TXNDC16: variants seen among roughly 807,000 people sequenced by gnomAD.
TXNDC16 encodes the protein thioredoxin domain containing 16, also known as thioredoxin domain-containing protein 16.
Under a neutral mutation model 85.6 loss-of-function variants are expected in TXNDC16, and 74 were observed. The observed-to-expected ratio is 0.86, with a 90% CI of 0.72 to 1.05. TXNDC16 has a LOEUF of 1.05. Ranked by LOEUF, TXNDC16 falls within the 50% of genes least tolerant of loss-of-function variation. TXNDC16 has a pLI of 0.00. For synonymous variants in TXNDC16, 335 were observed against 326.5 expected, an observed-to-expected ratio of 1.03 and a Z score of -0.28; for missense variants, 959 against 947.0, an observed-to-expected ratio of 1.01 and a Z score of -0.17.
intron 4 of TXNDC16, among the ~76,000 whole-genome samples, chr14:52,540,845 C>A (rs562084060): frequency 5.9e-5 from 9 of 152,282 alleles, no homozygotes; most frequent in African/African-American, 2.2e-4. Flanking sequence ...ATTTACTCAG[C>A]ACTGGGTGGT....
At chr14:52,461,048 T>C (rs529661682) in intron 16 of TXNDC16, among the ~76,000 whole-genome samples, 2 of 151,626 alleles carry the variant, frequency 1.3e-5, no homozygotes, top group Admixed American at 6.6e-5. Flanking sequence ...TTTAGTTTTA[T>C]CTATATCTTT....
At chr14:52,493,198 T>TAA (rs1256648467) in intron 9 of TXNDC16, among the ~76,000 whole-genome samples, 1 of 133,700 alleles carries the variant, frequency 7.5e-6, no homozygotes, top group Non-Finnish European at 1.5e-5. Context: ...CTGTTCTATA[T>TAA]ATATATATAT....
intron 6 of TXNDC16, among the ~76,000 whole-genome samples, chr14:52,525,699 AAATAATAATAATAATAATAATAAT>A (rs199701557): frequency 4.1e-5 from 5 of 121,340 alleles, no homozygotes; most frequent in Non-Finnish European, 9.1e-5. Context: ...CTCCATCTCA[AAATAATAATAATAATAATAATAAT>A]AATAATAATA....
intron 16 of TXNDC16, chr14:52,463,080 T>C (rs1428090521): frequency 2.1e-5 from 9 of 430,870 alleles, no homozygotes; most frequent in Non-Finnish European, 3.7e-5. Context: ...TGTCAGTTTC[T>C]GTCTGATTCA....
intron 7 of TXNDC16, among the ~76,000 whole-genome samples, chr14:52,516,904 A>G (rs1483534573): frequency 6.6e-6 from 1 of 152,138 alleles, no homozygotes; most frequent in Non-Finnish European, 1.5e-5. Flanking sequence ...TACTCCTGTC[A>G]TAATCCTTGG....
chr14:52,450,451 G>GAAA (rs58802501), intron 18 of TXNDC16, among the ~76,000 whole-genome samples: 3 of 118,420 alleles, frequency 2.5e-5, no homozygotes, highest in Non-Finnish European at 5.5e-5. Flanking sequence ...AAGGCTTCCA[G>GAAA]AAAAAAAAAA....
chr14:52,540,178 C>T (rs1594766222), intron 4 of TXNDC16, among the ~76,000 whole-genome samples: 1 of 152,204 alleles, frequency 6.6e-6, no homozygotes, highest in African/African-American at 2.4e-5. Flanking sequence ...ATTGTCTTGA[C>T]TAGAATACGT....
intron 9 of TXNDC16, among the ~76,000 whole-genome samples, chr14:52,505,217 A>T (rs1251854602): frequency 6.6e-6 from 1 of 152,200 alleles, no homozygotes; most frequent in Non-Finnish European, 1.5e-5. Context: ...TGCACCAAGC[A>T]GACCTAATAC....
Position 52,511,172 on chromosome 14 carries a change from A to G in TXNDC16, c.756+68T>C, listed in dbSNP as rs563923997. Reference sequence around the variant, plus strand: ...AACTTAACAAATTTTATGTTAAAATAAGACACATACCTTTTGCAATTATAC... The same window carrying G: ...AACTTAACAAATTTTATGTTAAAATGAGACACATACCTTTTGCAATTATAC... On this transcript the variant is annotated intron_variant, in intron 9 of 20. Transcript: ENST00000281741. 1.1e-5 allele frequency: 14 copies of G among 1,311,330 alleles called. No homozygotes were observed. The African/African-American group carries it at 2.1e-4, about 20-fold the overall frequency. The allele number at this position is 1,311,330 out of a possible 1,614,324, so 81.2% of individuals were successfully genotyped here. A position where few individuals can be genotyped will look rare whatever the true frequency, so the allele number is the denominator to read the frequency against.
At chr14:52,485,303 A>G (rs2036243484) in intron 12 of TXNDC16, among the ~76,000 whole-genome samples, 2 of 152,194 alleles carry the variant, frequency 1.3e-5, no homozygotes, top group Admixed American at 1.3e-4. Context: ...AAAAAAAGAA[A>G]ATATTTTTGT....
chr14:52,538,737 T>C (rs2037761262), intron 4 of TXNDC16, among the ~76,000 whole-genome samples: 1 of 152,200 alleles, frequency 6.6e-6, no homozygotes, highest in Non-Finnish European at 1.5e-5. Context: ...ATAGTTATTT[T>C]GTTTTGCATT....
At chr14:52,483,029 C>T (rs2036185963) in intron 12 of TXNDC16, 64 bp from the exon 13 acceptor site, 2 of 1,342,330 alleles carry the variant, frequency 1.5e-6, no homozygotes, top group Admixed American at 2.2e-5. Flanking sequence ...TTAAGCTCTT[C>T]TCATAGGAAG....
rs997835367 is a variant in TXNDC16, at chr14:52,501,344, A to G, written c.756+9896T>C. On this transcript the variant is annotated intron_variant, in intron 9 of 20. Coordinates refer to ENST00000281741, the MANE Select transcript of TXNDC16 (RefSeq NM_020784.3). Reference sequence around the variant, plus strand: ...GCTTAGAAGTGAACTAATAATACATATAATTGCAATGATCAGACACAATGC... The same window carrying G: ...GCTTAGAAGTGAACTAATAATACATGTAATTGCAATGATCAGACACAATGC... Among the ~76,000 whole-genome samples the G allele has an allele frequency of 3.3e-5, 5 of 152,234 alleles. No homozygotes were observed. The East Asian group carries it at 7.7e-4, about 23-fold the overall frequency.
chr14:52,488,374 C>A lies in TXNDC16; in HGVS notation c.1097G>T (p.Gly366Val). 3.1e-6 allele frequency: 5 copies of A among 1,613,406 alleles called. No homozygotes were observed. The highest frequency in any genetic ancestry group is 1.7e-4 in the Middle Eastern group (1 of 6,048). The change falls in exon 12 of 21, where the codon GGT becomes GTT. Residue 366 changes from glycine to valine, a missense_variant. Transcript: ENST00000281741. ...TCATAACACATTACCTATATCTGGA[C>A]CTTCCATGTCATTGTCTTCATCTTC... ...IQEDEDNDME[G>V]PDIDVQDDEV...
chr14:52,490,275 A>C, intron 11 of TXNDC16, 116 bp downstream of exon 11: 1 of 664,088 alleles, frequency 1.5e-6, no homozygotes, highest in South Asian at 3.9e-5. Flanking sequence ...ATTTTCTTTG[A>C]ATAGGAGCAA....
At position 52,536,705 on chromosome 14, in the gene TXNDC16, G is replaced by C; in HGVS notation, c.392+14C>G. 3.1e-6 allele frequency: 5 copies of C among 1,594,736 alleles called. No individual in the cohort carries two copies. Among genetic ancestry groups the C allele is most frequent in the Non-Finnish European group, 4.3e-6 (5 of 1,167,580 alleles). On this transcript the variant is annotated intron_variant, in intron 6 of 20. Transcript: ENST00000281741. Reference sequence around the variant, plus strand: ...TAACAAGTAAACAAATGAATGTGTAGCCCCTGTACTTACAAGAGAACATGG... The same window carrying C: ...TAACAAGTAAACAAATGAATGTGTACCCCCTGTACTTACAAGAGAACATGG...
At chr14:52,518,525 T>G (rs143636358) in intron 7 of TXNDC16, among the ~76,000 whole-genome samples, 2 of 152,334 alleles carry the variant, frequency 1.3e-5, no homozygotes, top group African/African-American at 4.8e-5. Flanking sequence ...CAAACTCAGT[T>G]AGCTTTACTT....
At chr14:52,517,394 T>C (rs1000856196) in intron 7 of TXNDC16, among the ~76,000 whole-genome samples, 7 of 152,174 alleles carry the variant, frequency 4.6e-5, no homozygotes, top group African/African-American at 1.2e-4. Context: ...TTAACTATTA[T>C]TGCTGCCTAA....
Position 52,509,046 on chromosome 14 carries a change from A to G in TXNDC16, c.756+2194T>C, listed in dbSNP as rs530390594. Among the ~76,000 whole-genome samples the G allele has an allele frequency of 2.6e-5, 4 of 152,208 alleles. No individual in the cohort carries two copies. The East Asian group carries it at 7.7e-4, about 29-fold the overall frequency. ...GTTGTGCACATGTACCCTAAAACTT[A>G]AAGTATAATAAAAAAAACTAATATT... is the stretch of plus-strand genomic sequence containing the variant. On this transcript the variant is annotated intron_variant, in intron 9 of 20. Coordinates refer to ENST00000281741, the MANE Select transcript of TXNDC16 (RefSeq NM_020784.3).
Sources: allele counts gnomAD v4.1 joint callset (sites outside exome capture counted in the v4.1 genomes callset), GRCh38; gene constraint gnomAD v4.1.1; transcripts MANE v1.5; gene names NCBI Gene and HGNC (gene_info 2026-07-23, HGNC 2026-07-21).